Variants in NELL1 observed in about 807,000 individuals in gnomAD.
NELL1 encodes the protein neural EGFL like 1, also known as protein kinase C-binding protein NELL1.
Under a neutral mutation model 107.4 loss-of-function variants are expected in NELL1, and 76 were observed. That is an observed-to-expected ratio of 0.71 (90% CI 0.59 to 0.86). The LOEUF (loss-of-function observed/expected upper bound fraction) is 0.86. Among genes scored for constraint, NELL1 ranks in the 40% least tolerant of loss-of-function variants. NELL1 has a pLI of 0.00. For synonymous variants in NELL1, 353 were observed against 341.2 expected (o/e 1.03, Z -0.38); for missense variants, 1,024 against 1,005.5 (o/e 1.02, Z -0.25).
intron 15 of NELL1, chr11:21,383,791 C>T (rs905552371): frequency 2.0e-5 from 3 of 151,472 alleles, no homozygotes; most frequent in African/African-American, 7.3e-5. Context: ...TTTCCCCCCT[C>T]AAAATGCTTT....
At chr11:20,937,963 C>A in intron 10 of NELL1, 104 bp downstream of exon 10, 1 of 1,078,068 alleles carries the variant, frequency 9.3e-7, no homozygotes, top group Non-Finnish European at 1.4e-6. Context: ...CTGGATAGGG[C>A]CCCGAGGGGT....
intron 13 of NELL1, among the ~76,000 whole-genome samples, chr11:21,148,225 C>T (rs1856030859): frequency 6.6e-6 from 1 of 152,102 alleles, no homozygotes; most frequent in African/African-American, 2.4e-5. Flanking sequence ...TGATCAAATG[C>T]CAAAACCCAT....
At chr11:21,417,629 G>T (rs914797447) in intron 15 of NELL1, among the ~76,000 whole-genome samples, 4 of 151,950 alleles carry the variant, frequency 2.6e-5, no homozygotes, top group African/African-American at 7.2e-5. Flanking sequence ...CATTTAAAAT[G>T]CAGGAAAGTA....
chr11:21,403,224 C>A (rs1255400091), intron 15 of NELL1, among the ~76,000 whole-genome samples: 3 of 151,498 alleles, frequency 2.0e-5, no homozygotes, highest in African/African-American at 7.3e-5. Flanking sequence ...GGGTTCTTTT[C>A]TGGAGTTTTA....
intron 10 of NELL1, among the ~76,000 whole-genome samples, chr11:20,945,005 A>G (rs1161639090): frequency 6.6e-6 from 1 of 152,196 alleles, no homozygotes; most frequent in African/African-American, 2.4e-5. Flanking sequence ...AGAGGGGAAA[A>G]TGTAAGGAAG....
chr11:21,552,296 T>C (rs1478112927), intron 16 of NELL1, among the ~76,000 whole-genome samples: 4 of 151,454 alleles, frequency 2.6e-5, no homozygotes, highest in Non-Finnish European at 5.9e-5. Context: ...ATAATAATAA[T>C]AAAAAAGTTA....
At chr11:20,980,813 T>G (rs1457052760) in intron 12 of NELL1, among the ~76,000 whole-genome samples, 1 of 152,170 alleles carries the variant, frequency 6.6e-6, no homozygotes, top group African/African-American at 2.4e-5. Flanking sequence ...GCACCAAATA[T>G]TTTTGATTCT....
intron 14 of NELL1, among the ~76,000 whole-genome samples, chr11:21,298,539 T>C (rs7102995): frequency 0.026 from 3,937 of 152,042 alleles, 179 homozygotes; most frequent in African/African-American, 0.09. Flanking sequence ...TCAAGGAGCC[T>C]GCAGGAGTTT....
At chr11:20,865,557 A>ATT (rs11442380) in intron 4 of NELL1, among the ~76,000 whole-genome samples, 41 of 151,680 alleles carry the variant, frequency 2.7e-4, no homozygotes, top group Non-Finnish European at 3.5e-4. Flanking sequence ...TGCCATCTGG[A>ATT]TTTTTTTTGA....
rs34626801 is a variant in NELL1 at position 20,714,368 on chromosome 11, A to AT, written c.184+36319dup. Among the ~76,000 whole-genome samples, 470 of 148,124 alleles carry AT rather than the reference A, an allele frequency of 3.2e-3. 2 individuals carry two copies. Among genetic ancestry groups the AT allele is most frequent in the African/African-American group, 0.011 (436 of 40,260 alleles). ...ACAGGATCACGCCACCACGCCCGGCATTTTTTTTTTTGTAGTTTTAGTAGA... is the reference window on the plus strand; with the variant it reads ...ACAGGATCACGCCACCACGCCCGGCATTTTTTTTTTTTGTAGTTTTAGTAGA... On this transcript the variant is annotated intron_variant, in intron 2 of 19. Coordinates refer to ENST00000357134, the MANE Select transcript of NELL1 (RefSeq NM_006157.5).
At chr11:20,753,787 G>T (rs1856197984) in intron 2 of NELL1, among the ~76,000 whole-genome samples, 1 of 152,130 alleles carries the variant, frequency 6.6e-6, no homozygotes, top group South Asian at 2.1e-4. Context: ...TCTTGGGCTG[G>T]CTATATTTAG....
intron 2 of NELL1, among the ~76,000 whole-genome samples, chr11:20,741,320 G>A (rs970043685): frequency 6.6e-6 from 1 of 151,798 alleles, no homozygotes; most frequent in Non-Finnish European, 1.5e-5. Context: ...CCTAGACCCC[G>A]GGCTTATGCT....
At chr11:21,037,506 A>C (rs1443074698) in intron 12 of NELL1, among the ~76,000 whole-genome samples, 2 of 152,170 alleles carry the variant, frequency 1.3e-5, no homozygotes, top group African/African-American at 4.8e-5. Context: ...TGGTGGGCAG[A>C]TAAATTTTTA....
At chr11:21,069,009 T>G (rs1266142476) in intron 12 of NELL1, among the ~76,000 whole-genome samples, 1 of 152,216 alleles carries the variant, frequency 6.6e-6, no homozygotes, top group Non-Finnish European at 1.5e-5. Context: ...ACTCAAATCC[T>G]ACAGAATACA....
At chr11:20,953,810 C>T (rs1851114601) in intron 11 of NELL1, among the ~76,000 whole-genome samples, 1 of 152,212 alleles carries the variant, frequency 6.6e-6, no homozygotes, top group South Asian at 2.1e-4. Flanking sequence ...GGTTTCTTCT[C>T]TGCATACATT....
At chr11:21,386,114 C>T (rs1851738873) in intron 15 of NELL1, among the ~76,000 whole-genome samples, 1 of 151,748 alleles carries the variant, frequency 6.6e-6, no homozygotes, top group South Asian at 2.1e-4. Flanking sequence ...TCCATCTCTT[C>T]TTACCACCCA....
chr11:20,907,956 A>T lies in NELL1; in HGVS notation c.604-10226A>T, dbSNP rs538070590. 1.8e-3 allele frequency among the ~76,000 whole-genome samples: 272 copies of T among 152,260 alleles called. 1 individual carries two copies. Among genetic ancestry groups the T allele is most frequent in the Middle Eastern group, 0.014 (4 of 294 alleles). ...GCCAAAAAACGTATGAAAAAGAGTT[A>T]AACATCACTGATCATCAGAGAAATG... On this transcript the variant is annotated intron_variant, in intron 5 of 19. Coordinates refer to ENST00000357134, the MANE Select transcript of NELL1 (RefSeq NM_006157.5).
chr11:20,883,725 T>C (rs372733455), intron 4 of NELL1, among the ~76,000 whole-genome samples: 1 of 152,240 alleles, frequency 6.6e-6, no homozygotes, highest in Non-Finnish European at 1.5e-5. Context: ...AAATATTTTG[T>C]ATATACTTTC....
At chr11:21,104,772 C>T (rs1191899478) in intron 12 of NELL1, among the ~76,000 whole-genome samples, 1 of 152,138 alleles carries the variant, frequency 6.6e-6, no homozygotes, top group Non-Finnish European at 1.5e-5. Flanking sequence ...CTCAAGCTGC[C>T]ATAACAAAAT....
Sources: allele counts gnomAD v4.1 joint callset (sites outside exome capture counted in the v4.1 genomes callset), GRCh38; gene constraint gnomAD v4.1.1; transcripts MANE v1.5; gene names NCBI Gene and HGNC (gene_info 2026-07-23, HGNC 2026-07-21).